DMXL1: variants seen among roughly 807,000 people sequenced by gnomAD.
DMXL1 encodes the protein Dmx like 1.
In DMXL1, 99 loss-of-function variants were observed where a neutral mutation model predicts 319.2. The observed-to-expected ratio is 0.31, with a 90% confidence interval of 0.26 to 0.37. The LOEUF (loss-of-function observed/expected upper bound fraction) is 0.37. Among genes scored for constraint, DMXL1 ranks in the 10% least tolerant of loss-of-function variants. The probability of loss-of-function intolerance (pLI) is 1.00; values close to 1 mark genes in which losing one functional copy is unlikely to be tolerated. For synonymous variants in DMXL1, 1,385 were observed against 1,235.2 expected (o/e 1.12, Z -2.54); for missense variants, 3,745 against 3,595.6 (o/e 1.04, Z -1.06).
chr5:119,123,267 C>T (rs62374138), intron 9 of DMXL1, among the ~76,000 whole-genome samples: 60,540 of 148,918 alleles, frequency 0.41, 14,457 homozygotes, highest in East Asian at 0.95. Flanking sequence ...AGTCCAGCTT[C>T]GGCTCGGCAT....
At chr5:119,127,855 C>T in intron 9 of DMXL1, 1 of 321,546 alleles carries the variant, frequency 3.1e-6, no homozygotes, top group Non-Finnish European at 6.3e-6. Context: ...ATTGGCATTT[C>T]TCTGGTATCA....
Position 119,244,349 on chromosome 5 carries a change from T to G in DMXL1, c.8705-10T>G. On this transcript the variant is annotated splice_polypyrimidine_tract_variant and intron_variant, in intron 42 of 43. Coordinates refer to ENST00000539542, the MANE Select transcript of DMXL1 (RefSeq NM_001290321.3). ...TAAGTGTTTTTGTTTTTTTTTTAATTTACTTTCAGCATTTACCTGCCATGA... is the reference window on the plus strand; with the variant it reads ...TAAGTGTTTTTGTTTTTTTTTTAATGTACTTTCAGCATTTACCTGCCATGA... The G allele has an allele frequency of 6.3e-7, 1 of 1,589,636 alleles. No individual in the cohort carries two copies. The highest frequency in any genetic ancestry group is 8.5e-7 in the Non-Finnish European group (1 of 1,170,976).
At chr5:119,185,834 C>T (rs1034118283) in intron 28 of DMXL1, among the ~76,000 whole-genome samples, 1 of 151,670 alleles carries the variant, frequency 6.6e-6, no homozygotes, top group African/African-American at 2.4e-5. Context: ...TAATCTTATT[C>T]TTTGATGATT....
At chr5:119,151,109 C>G (rs1561734079) in intron 18 of DMXL1, among the ~76,000 whole-genome samples, 1 of 151,890 alleles carries the variant, frequency 6.6e-6, no homozygotes, top group Admixed American at 6.6e-5. Context: ...TTGTAATAAT[C>G]CACTATTAAC....
intron 15 of DMXL1, 93 bp downstream of exon 15, chr5:119,144,731 A>G (rs1252025512): frequency 1.2e-5 from 9 of 737,840 alleles, no homozygotes; most frequent in East Asian, 6.0e-5. Flanking sequence ...TACATTGTCT[A>G]TTTGAAGTAA....
At chr5:119,118,566 CAT>C (rs1761350724) in intron 7 of DMXL1, among the ~76,000 whole-genome samples, 1 of 151,974 alleles carries the variant, frequency 6.6e-6, no homozygotes, top group South Asian at 2.1e-4. Flanking sequence ...CCCTGGGCAA[CAT>C]AGTGAGACCA....
intron 43 of DMXL1, among the ~76,000 whole-genome samples, chr5:119,245,730 G>A (rs796179187): frequency 2.0e-5 from 3 of 151,976 alleles, no homozygotes; most frequent in African/African-American, 7.2e-5. Flanking sequence ...AGTAGAGATG[G>A]GGTTTCGCCA....
intron 1 of DMXL1, among the ~76,000 whole-genome samples, chr5:119,077,479 G>GT (rs774672621): frequency 0.28 from 19,616 of 70,196 alleles, 5,793 homozygotes; most frequent in South Asian, 0.4. Flanking sequence ...TTCATCTTAG[G>GT]TTTTTTTTTT....
At chr5:119,128,296 A>G (rs956821273) in intron 9 of DMXL1, 4 of 299,244 alleles carry the variant, frequency 1.3e-5, no homozygotes, top group African/African-American at 6.7e-5. Flanking sequence ...TGCCATAAGT[A>G]TGAATTCCAA....
Position 119,171,408 on chromosome 5 carries a change from T to A in DMXL1, c.6489+128T>A, listed in dbSNP as rs891446272. On this transcript the variant is annotated intron_variant, in intron 24 of 43. Transcript: ENST00000539542. ...TTGCTTTAGGGAAAGCTCCCTTTTG[T>A]GTGGTCCTTCATATTATGAATTATA... The A allele has an allele frequency of 5.9e-5, 53 of 902,908 alleles. No individual in the cohort carries two copies. The East Asian group carries it at 1.3e-3, about 22-fold the overall frequency. 55.9% of individuals were successfully genotyped at this position (902,908 alleles called of 1,614,324 possible).
chr5:119,210,871 A>G (rs539696117), intron 34 of DMXL1, among the ~76,000 whole-genome samples: 1 of 148,800 alleles, frequency 6.7e-6, no homozygotes, highest in East Asian at 2.0e-4. Flanking sequence ...TGGGGAAAGC[A>G]GTCTTTTATT....
At chr5:119,173,030 A>T (rs1174028028) in intron 25 of DMXL1, among the ~76,000 whole-genome samples, 1 of 152,148 alleles carries the variant, frequency 6.6e-6, no homozygotes, top group Non-Finnish European at 1.5e-5. Flanking sequence ...TGTATCAGTT[A>T]CCTTTTGCTG....
chr5:119,240,114 A>T (rs1279928006), intron 41 of DMXL1, among the ~76,000 whole-genome samples: 1 of 152,106 alleles, frequency 6.6e-6, no homozygotes, highest in African/African-American at 2.4e-5. Context: ...ACAAAAAAAA[A>T]TTTAAAAAAT....
At chr5:119,074,345 G>T (rs1322912305) in intron 1 of DMXL1, among the ~76,000 whole-genome samples, 2 of 152,224 alleles carry the variant, frequency 1.3e-5, no homozygotes, top group Non-Finnish European at 2.9e-5. Context: ...AGTGGAGCAT[G>T]ACATCTTCCT....
At chr5:119,210,540 A>G (rs1457482629) in intron 34 of DMXL1, among the ~76,000 whole-genome samples, 14 of 152,152 alleles carry the variant, frequency 9.2e-5, no homozygotes, top group African/African-American at 2.7e-4. Flanking sequence ...TGAAAAGATT[A>G]TCTTTTCTTT....
At chr5:119,243,451 T>G (rs1403876497) in intron 42 of DMXL1, among the ~76,000 whole-genome samples, 2 of 152,096 alleles carry the variant, frequency 1.3e-5, no homozygotes, top group African/African-American at 4.8e-5. Flanking sequence ...GCAATCTAAC[T>G]CCAGAATCCT....
At chr5:119,133,077 T>C in intron 10 of DMXL1, 55 bp from the exon 11 acceptor site, 1 of 1,580,912 alleles carries the variant, frequency 6.3e-7, no homozygotes, top group Non-Finnish European at 8.6e-7. Flanking sequence ...TAATTCTTAA[T>C]TTATAGTAAT....
chr5:119,148,692 T>G (rs1156455493), intron 17 of DMXL1, 47 bp from the exon 18 acceptor site: 1 of 1,554,806 alleles, frequency 6.4e-7, no homozygotes, highest in Admixed American at 1.9e-5. Context: ...AAAACAGAAG[T>G]ATTTAACCAA....
intron 14 of DMXL1, 66 bp downstream of exon 14, chr5:119,143,996 C>A: frequency 9.9e-7 from 1 of 1,011,894 alleles, no homozygotes; most frequent in Non-Finnish European, 1.5e-6. Context: ...TGCATAAAAT[C>A]TATATATTAA....
Sources: gnomAD v4.1 joint callset for allele counts (sites outside exome capture counted in the v4.1 genomes callset) on GRCh38, gnomAD v4.1.1 for gene constraint, MANE v1.5 for transcripts, NCBI Gene and HGNC (gene_info 2026-07-23, HGNC 2026-07-21) for gene names.